Variants in TOP2B observed in about 807,000 individuals in gnomAD.
The protein encoded by TOP2B is DNA topoisomerase II beta, also known as DNA topoisomerase 2-beta.
In TOP2B, 51 loss-of-function variants were observed where a neutral mutation model predicts 193.5. The ratio of observed to expected loss-of-function variants is 0.26; its 90% CI spans 0.21 to 0.33. TOP2B has a LOEUF of 0.33. Ranked by LOEUF, TOP2B falls within the 10% of genes least tolerant of loss-of-function variation. The pLI, the probability that TOP2B is intolerant of heterozygous loss-of-function variation, is 1.00. For missense variants in TOP2B, 1,378 were observed against 1,909.3 expected, an observed-to-expected ratio of 0.72 and a Z score of 5.19; for synonymous variants, 634 against 635.7, an observed-to-expected ratio of 1.00 and a Z score of 0.04.
chr3:25,598,392 C>G lies in TOP2B; in HGVS notation c.4796G>C (p.Arg1599Pro), dbSNP rs184041688. Residue 1599 changes from arginine to proline, a missense_variant, in exon 36 of 36, where the codon CGA (arginine) becomes CCA (proline). Physicochemically the swap from Arg to Pro is moderately radical, Grantham distance 103 (BLOSUM62 -2). Transcript: ENST00000264331. Reference protein sequence around the residue: ...DFPTEPPSLPRTGRARKEVKY... With the variant: ...DFPTEPPSLPPTGRARKEVKY... ...TACTTCTTTCCTAGCCCGACCGGTTCGTGGCAGAGAAGGTGGCTCAGTAGG... is the reference window on the plus strand; with the variant it reads ...TACTTCTTTCCTAGCCCGACCGGTTGGTGGCAGAGAAGGTGGCTCAGTAGG... 5 of 1,613,516 alleles carry G rather than the reference C, an allele frequency of 3.1e-6. No individual in the cohort carries two copies. The highest frequency in any genetic ancestry group is 3.4e-6 in the Non-Finnish European group (4 of 1,179,618).
chr3:25,644,282 A>T (rs1703349431), intron 2 of TOP2B, among the ~76,000 whole-genome samples: 1 of 152,192 alleles, frequency 6.6e-6, no homozygotes, highest in South Asian at 2.1e-4. Context: ...CTACTTCCCA[A>T]AATGGTTAGG....
intron 1 of TOP2B, among the ~76,000 whole-genome samples, chr3:25,662,663 A>G (rs1703951749): frequency 6.6e-6 from 1 of 152,232 alleles, no homozygotes; most frequent in Non-Finnish European, 1.5e-5. Flanking sequence ...GAAAGAAATA[A>G]ATTGTCATTT....
At chr3:25,640,480 A>C (rs1308357441) in intron 4 of TOP2B, among the ~76,000 whole-genome samples, 1 of 152,188 alleles carries the variant, frequency 6.6e-6, no homozygotes, top group Non-Finnish European at 1.5e-5. Context: ...AGAAGCAGTT[A>C]AAATGAGGTG....
At chr3:25,624,556 A>G in intron 19 of TOP2B, 111 bp from the exon 20 acceptor site, 3 of 1,533,280 alleles carry the variant, frequency 2.0e-6, no homozygotes, top group Non-Finnish European at 2.6e-6. Flanking sequence ...GAATCTCACT[A>G]ATCTGTATAT....
chr3:25,619,000 T>G (rs2125363001), intron 23 of TOP2B, among the ~76,000 whole-genome samples, 151 bp from the exon 24 acceptor site: 1 of 152,258 alleles, frequency 6.6e-6, no homozygotes, highest in East Asian at 1.9e-4. Context: ...TAAACAGAAC[T>G]AAGACTATTA....
At chr3:25,640,910 C>T (rs1342163338) in intron 4 of TOP2B, among the ~76,000 whole-genome samples, 4 of 151,916 alleles carry the variant, frequency 2.6e-5, no homozygotes, top group African/African-American at 9.7e-5. Context: ...GCACATGCCG[C>T]CACCATGCCC....
intron 22 of TOP2B, among the ~76,000 whole-genome samples, chr3:25,620,347 G>A (rs1479895946): frequency 6.6e-6 from 1 of 151,764 alleles, no homozygotes; most frequent in Non-Finnish European, 1.5e-5. Context: ...GAGGTGACAT[G>A]CATACTTTTA....
intron 1 of TOP2B, among the ~76,000 whole-genome samples, chr3:25,659,029 T>C (rs1329801510): frequency 6.6e-6 from 1 of 152,122 alleles, no homozygotes; most frequent in Non-Finnish European, 1.5e-5. Flanking sequence ...CACAGAAAGC[T>C]CACCATCACC....
Position 25,614,314 on chromosome 3 carries a change from G to A in TOP2B, c.3591+891C>T, listed in dbSNP as rs190260163. 4.0e-5 allele frequency among the ~76,000 whole-genome samples: 6 copies of A among 151,842 alleles called. No individual in the cohort carries two copies. The East Asian group carries it at 1.2e-3, about 29-fold the overall frequency. ...AATATCAGGATATCAATAATATTAG[G>A]AATAATTTTTCTTTTAATATATGAT... On this transcript the variant is annotated intron_variant, in intron 27 of 35. Coordinates refer to ENST00000264331, the MANE Select transcript of TOP2B (RefSeq NM_001330700.2).
chr3:25,624,561 G>A, intron 19 of TOP2B, 116 bp from the exon 20 acceptor site: 1 of 1,524,294 alleles, frequency 6.6e-7, no homozygotes, highest in Non-Finnish European at 8.9e-7. Flanking sequence ...TCACTAATCT[G>A]TATATTCTCT....
intron 6 of TOP2B, 86 bp downstream of exon 6, chr3:25,637,129 C>T: frequency 3.1e-6 from 3 of 978,168 alleles, no homozygotes; most frequent in Admixed American, 4.6e-5. Context: ...ATACAGGCAT[C>T]ACTGCAATTT....
chr3:25,640,747 G>A (rs1002032406), intron 4 of TOP2B, among the ~76,000 whole-genome samples: 10 of 142,898 alleles, frequency 7.0e-5, no homozygotes, highest in South Asian at 2.2e-4. Context: ...TCACTTCTTC[G>A]TTGTCTTTTT....
rs1039818364 is a variant in TOP2B, at chr3:25,632,316, T to C, written c.1266+130A>G. 4 of 736,952 alleles carry C rather than the reference T, an allele frequency of 5.4e-6. No individual in the cohort carries two copies. The African/African-American group carries it at 7.2e-5, about 13-fold the overall frequency. The allele number at this position is 736,952 out of a possible 1,614,324, so 45.7% of individuals were successfully genotyped here. On this transcript the variant is annotated intron_variant, in intron 10 of 35. Transcript: ENST00000264331. The stretch of plus-strand genomic sequence containing the variant: ...AAAGTTATCAAATTAAGCATATTAG[T>C]TTGTAGTGCAAGCATGCTTATACCC...
At chr3:25,648,492 T>A (rs1258585955) in intron 1 of TOP2B, among the ~76,000 whole-genome samples, 1 of 152,122 alleles carries the variant, frequency 6.6e-6, no homozygotes, top group Non-Finnish European at 1.5e-5. Flanking sequence ...TAGCTAAGCC[T>A]TCAAATGCCA....
intron 27 of TOP2B, among the ~76,000 whole-genome samples, chr3:25,614,542 G>A (rs1406272349): frequency 6.6e-6 from 1 of 151,734 alleles, no homozygotes; most frequent in Admixed American, 6.6e-5. Flanking sequence ...TACCACACTT[G>A]TTCTTAAGAG....
chr3:25,610,247 G>A (rs1702335092), intron 28 of TOP2B, among the ~76,000 whole-genome samples: 1 of 151,910 alleles, frequency 6.6e-6, no homozygotes, highest in African/African-American at 2.4e-5. Context: ...GCACTGCTAG[G>A]CACTGTAAGG....
rs543485899 is a variant in TOP2B at position 25,604,708 on chromosome 3, T to C, written c.4489+52A>G. ...TTTCAAATTAAATTACATTTCCTTT[T>C]ACATTAACTATCTCTATCCAATGCT... On this transcript the variant is annotated intron_variant, in intron 33 of 35. Coordinates refer to ENST00000264331, the MANE Select transcript of TOP2B (RefSeq NM_001330700.2). The C allele has an allele frequency of 2.8e-5, 38 of 1,347,612 alleles. No individual in the cohort carries two copies. The African/African-American group carries it at 5.3e-4, about 19-fold the overall frequency. 83.5% of individuals were successfully genotyped at this position (1,347,612 alleles called of 1,614,324 possible). A position where few individuals can be genotyped will look rare whatever the true frequency, so the allele number is the denominator to read the frequency against.
intron 5 of TOP2B, 69 bp from the exon 6 acceptor site, chr3:25,637,381 C>T: frequency 8.6e-7 from 1 of 1,166,714 alleles, no homozygotes; most frequent in East Asian, 2.6e-5. Flanking sequence ...AATTTACCAC[C>T]ATACGGCAAG....
chr3:25,600,951 G>T, intron 34 of TOP2B, 149 bp downstream of exon 34: 1 of 739,730 alleles, frequency 1.4e-6, no homozygotes, highest in Non-Finnish European at 2.1e-6. Context: ...ACTATATTCA[G>T]CACTGATTCC....
Sources: allele counts gnomAD v4.1 joint callset (sites outside exome capture counted in the v4.1 genomes callset), GRCh38; gene constraint gnomAD v4.1.1; transcripts MANE v1.5; gene names NCBI Gene and HGNC (gene_info 2026-07-23, HGNC 2026-07-21).